Variants in HEATR1 observed in about 807,000 individuals in gnomAD.
HEATR1 encodes HEAT repeat-containing protein 1.
Under a neutral mutation model 248.2 loss-of-function variants are expected in HEATR1, and 77 were observed. That is an observed-to-expected ratio of 0.31 (90% confidence interval 0.26 to 0.37). The LOEUF is 0.37. Ranked by LOEUF, HEATR1 falls within the 10% of genes least tolerant of loss-of-function variation. HEATR1 has a pLI of 1.00. For missense variants in HEATR1, 2,420 were observed against 2,504.9 expected (o/e 0.97, Z 0.72); for synonymous variants, 897 against 923.1 (o/e 0.97, Z 0.51).
rs975005981 is a variant in HEATR1 at position 236,599,680 on chromosome 1, A to T, written c.360-56T>A. ...ACACAAAACTTAATAATAAGCACCT[A>T]TTTCCTCACATGCCCAAACTGTATT... On this transcript the variant is annotated intron_variant, in intron 3 of 44. Coordinates refer to ENST00000366582, the MANE Select transcript of HEATR1 (RefSeq NM_018072.6). 21 of 1,470,450 alleles carry T rather than the reference A, an allele frequency of 1.4e-5. No individual in the cohort carries two copies. In the Middle Eastern group the frequency reaches 5.3e-4, roughly 37 times the overall value. 91.1% of individuals were successfully genotyped at this position (1,470,450 alleles called of 1,614,324 possible).
chr1:236,601,444 C>G (rs904644663), intron 3 of HEATR1, among the ~76,000 whole-genome samples: 2 of 152,116 alleles, frequency 1.3e-5, no homozygotes, highest in Non-Finnish European at 2.9e-5. Flanking sequence ...ACAGGTTTTA[C>G]CATGCTGGCC....
chr1:236,602,920 C>CA, intron 3 of HEATR1: 1 of 425,950 alleles, frequency 2.3e-6, no homozygotes, highest in Non-Finnish European at 4.2e-6. Flanking sequence ...AAGACTCTAT[C>CA]TCAAAAAAAA....
intron 1 of HEATR1, 96 bp from the exon 2 acceptor site, chr1:236,604,223 C>A: frequency 1.0e-6 from 1 of 975,832 alleles, no homozygotes; most frequent in Non-Finnish European, 1.4e-6. Flanking sequence ...GTCATGGACA[C>A]ACAACGCGGG....
intron 44 of HEATR1, chr1:236,551,305 C>T (rs1405149504): frequency 3.2e-6 from 1 of 308,196 alleles, no homozygotes; most frequent in African/African-American, 2.1e-5. Context: ...GGAGAATGTA[C>T]TTTTGTAGCT....
chr1:236,566,814 A>G lies in HEATR1; in HGVS notation c.4140T>C (p.Ile1380=). The G allele has an allele frequency of 6.2e-7, 1 of 1,614,130 alleles. No individual in the cohort carries two copies. The highest frequency in any genetic ancestry group is 8.5e-7 in the Non-Finnish European group (1 of 1,180,028). The change falls in exon 30 of 45, where the codon ATT becomes ATC. Residue 1380 remains isoleucine (I), a synonymous_variant. Coordinates refer to ENST00000366582, the MANE Select transcript of HEATR1 (RefSeq NM_018072.6). Reference sequence around the variant, plus strand: ...GTGGCAGCGCATCCACAAATACACTAATGATTTTTACCACAATCTCTTCAA... The same window carrying G: ...GTGGCAGCGCATCCACAAATACACTGATGATTTTTACCACAATCTCTTCAA... The part of the protein sequence containing the change: ...RNVEEIVVKI[I]SVFVDALPHV...
chr1:236,583,240 C>A, intron 17 of HEATR1, 44 bp from the exon 18 acceptor site: 1 of 1,505,500 alleles, frequency 6.6e-7, no homozygotes, highest in East Asian at 2.3e-5. Context: ...ACTAAGGGTT[C>A]TGAACATGGG....
intron 9 of HEATR1, among the ~76,000 whole-genome samples, chr1:236,593,188 C>A (rs2103152052): frequency 6.7e-6 from 1 of 149,018 alleles, no homozygotes; most frequent in African/African-American, 2.6e-5. Context: ...GAGCGAAACT[C>A]CATCTTAAAG....
At chr1:236,591,427 T>C (rs951377844) in intron 11 of HEATR1, among the ~76,000 whole-genome samples, 4 of 152,176 alleles carry the variant, frequency 2.6e-5, no homozygotes, top group African/African-American at 9.6e-5. Context: ...CCATTAAAAA[T>C]GAAAGTCTAA....
intron 21 of HEATR1, 79 bp downstream of exon 21, chr1:236,576,701 T>C (rs1197098797): frequency 5.8e-5 from 76 of 1,319,748 alleles, no homozygotes; most frequent in Non-Finnish European, 8.4e-6. Context: ...CCCTACACAG[T>C]GAAATGTCGA....
chr1:236,594,896 TC>T (rs1387042583), intron 8 of HEATR1, among the ~76,000 whole-genome samples: 1 of 152,148 alleles, frequency 6.6e-6, no homozygotes, highest in African/African-American at 2.4e-5. Flanking sequence ...CTCCCTGGAC[TC>T]AGGTGATCCT....
rs751689075 is a variant in HEATR1, at chr1:236,597,889, T to C, written c.592A>G (p.Lys198Glu). Residue 198 changes from lysine (K) to glutamate (E), a missense_variant, in exon 5 of 45, where the codon AAA (lysine) becomes GAA (glutamate). By Grantham distance (56) the Lys-to-Glu change is moderately conservative. Coordinates refer to ENST00000366582, the MANE Select transcript of HEATR1 (RefSeq NM_018072.6). ...AACAGACTGCTCACCTTCACAGATT[T>C]TGTCACCAAACTGCAAATGAAATCC... ...FMDFICSLVTKSVKVFAEYPG... is the reference protein window; with the variant it reads ...FMDFICSLVTESVKVFAEYPG... 4.4e-5 allele frequency: 71 copies of C among 1,611,806 alleles called. No individual in the cohort carries two copies. The Admixed American group carries it at 1.1e-3, about 26-fold the overall frequency.
In HEATR1 at chr1:236,558,350, C is replaced by T. The variant is rs754386293; in HGVS notation, c.5091G>A (p.Val1697=). The change falls in exon 36 of 45, where the codon GTG becomes GTA. Residue 1697 remains valine, a synonymous_variant. Transcript: ENST00000366582. ...CCTTTCTCTCTGGAGCAATCAGTTT[C>T]ACAGCAGTGTTCAGCACTGGGACAA... ...DPFVPVLNTA[V]KLIAPERKEE... is the part of the protein sequence containing the mutation. 1 of 1,614,216 alleles carries T rather than the reference C, an allele frequency of 6.2e-7. No homozygotes were observed.
At position 236,597,940 on chromosome 1, in the gene HEATR1, G is replaced by A. The variant is rs1420498377; in HGVS notation, c.541C>T (p.His181Tyr). ...VPLAKGTLIT[H>Y]CYKDLGFMDF... ...ATGAATCCAAGATCTTTGTAGCAGT[G>A]GGTAATCAAAGTTCCTTTAGCTAAC... The change falls in exon 5 of 45, where the codon CAC becomes TAC. Residue 181 changes from histidine to tyrosine, a missense_variant. Transcript: ENST00000366582. The A allele has an allele frequency of 6.2e-7, 1 of 1,613,608 alleles. No homozygotes were observed. Among genetic ancestry groups the A allele is most frequent in the Non-Finnish European group, 8.5e-7 (1 of 1,179,776 alleles).
At chr1:236,603,120 G>T in intron 3 of HEATR1, 40 bp downstream of exon 3, 1 of 1,490,452 alleles carries the variant, frequency 6.7e-7, no homozygotes, top group Non-Finnish European at 9.3e-7. Flanking sequence ...CAAGACCAAA[G>T]TGATTAACCC....
chr1:236,557,166 C>A (rs375419858), intron 37 of HEATR1, 29 bp downstream of exon 37: 7 of 1,610,048 alleles, frequency 4.3e-6, no homozygotes, highest in South Asian at 1.1e-5. Context: ...AGCCACCCTG[C>A]GTAGCATGTC....
Position 236,585,236 on chromosome 1 carries a change from CTA to C in HEATR1, c.2050-22_2050-21del. The C allele has an allele frequency of 6.3e-7, 1 of 1,577,814 alleles. No individual in the cohort carries two copies. The highest frequency in any genetic ancestry group is 8.6e-7 in the Non-Finnish European group (1 of 1,163,036). The stretch of plus-strand genomic sequence containing the variant: ...CTCCACCTTGAAAAATAAACACACT[CTA>C]TTACCAGTTGCTCTTGATTTTCATA... On this transcript the variant is annotated intron_variant, in intron 16 of 44. Coordinates refer to ENST00000366582, the MANE Select transcript of HEATR1 (RefSeq NM_018072.6).
At chr1:236,579,217 C>CT (rs111395465) in intron 20 of HEATR1, among the ~76,000 whole-genome samples, 10,272 of 152,230 alleles carry the variant, frequency 0.067, 508 homozygotes, top group East Asian at 0.14. Flanking sequence ...AGGCATACAA[C>CT]TGTTTATTCA....
intron 28 of HEATR1, 110 bp downstream of exon 28, chr1:236,571,241 A>G: frequency 7.6e-7 from 1 of 1,315,742 alleles, no homozygotes; most frequent in Non-Finnish European, 1.0e-6. Context: ...CCAGTGCTGG[A>G]AGATTCCAAA....
chr1:236,559,258 T>G (rs756238419), intron 34 of HEATR1, 123 bp from the exon 35 acceptor site: 57 of 644,514 alleles, frequency 8.8e-5, no homozygotes, highest in Non-Finnish European at 1.3e-4. Flanking sequence ...ACACACATTT[T>G]CTTATTTAAT....
Sources: gnomAD v4.1 joint callset for allele counts (sites outside exome capture counted in the v4.1 genomes callset) on GRCh38, gnomAD v4.1.1 for gene constraint, MANE v1.5 for transcripts, NCBI Gene and HGNC (gene_info 2026-07-23, HGNC 2026-07-21) for gene names.